Variants in TANC1 observed in about 807,000 individuals in gnomAD.
TANC1 encodes protein TANC1.
A neutral mutation model predicts 149.7 loss-of-function variants in TANC1; 77 were observed. That is an observed-to-expected ratio of 0.51 (90% CI 0.43 to 0.62). The LOEUF (loss-of-function observed/expected upper bound fraction) is 0.62. Ranked by LOEUF, TANC1 falls within the 20% of genes least tolerant of loss-of-function variation. The probability of loss-of-function intolerance (pLI) is 0.00; values close to 1 mark genes in which losing one functional copy is unlikely to be tolerated. For synonymous variants in TANC1, 854 were observed against 925.0 expected (o/e 0.92, Z 1.39); for missense variants, 1,985 against 2,321.8 (o/e 0.85, Z 2.98).
intron 2 of TANC1, among the ~76,000 whole-genome samples, chr2:159,059,916 G>T (rs1247160771): frequency 2.0e-4 from 25 of 124,818 alleles, no homozygotes; most frequent in East Asian, 7.8e-4. Context: ...GTGTGTGTGT[G>T]TGTGTGTGTG....
chr2:159,172,043 C>A, intron 10 of TANC1, 78 bp from the exon 11 acceptor site: 2 of 1,422,016 alleles, frequency 1.4e-6, no homozygotes, highest in Non-Finnish European at 1.9e-6. Flanking sequence ...TATGCCCTGG[C>A]ACAAATCAAG....
At chr2:159,218,685 A>AT (rs1459386864) in intron 20 of TANC1, among the ~76,000 whole-genome samples, 6 of 152,136 alleles carry the variant, frequency 3.9e-5, no homozygotes, top group Admixed American at 6.6e-5. Context: ...GTTGAAAGGC[A>AT]TATTTCTAGG....
intron 2 of TANC1, among the ~76,000 whole-genome samples, chr2:159,010,763 C>G (rs971174917): frequency 7.7e-5 from 10 of 130,246 alleles, no homozygotes; most frequent in African/African-American, 2.8e-4. Context: ...AAAATTTTTT[C>G]TCTGAATGAC....
chr2:159,136,230 G>A lies in TANC1; in HGVS notation c.296G>A (p.Arg99Lys). 1 of 1,613,512 alleles carries A rather than the reference G, an allele frequency of 6.2e-7. No individual in the cohort carries two copies. Among genetic ancestry groups the A allele is most frequent in the Middle Eastern group, 1.7e-4 (1 of 6,058 alleles). Reference protein sequence around the residue: ...VRKPKYVESPRVPGDAVIMPF... With the variant: ...VRKPKYVESPKVPGDAVIMPF... ...AAGCCCAAGTATGTGGAAAGCCCCA[G>A]AGTGCCTGGAGATGCAGTTATAATG... The change falls in exon 5 of 27, where the codon AGA (arginine) becomes AAA (lysine). Residue 99 changes from arginine (R) to lysine (K), a missense_variant. Arg to Lys is a conservative substitution (Grantham distance 26). Around this residue, in one of 3 missense-constraint regions of TANC1, gnomAD observed 557 missense variants for 612.9 expected, o/e 0.91. Transcript: ENST00000263635.
chr2:159,035,926 A>G (rs952932399), intron 2 of TANC1, among the ~76,000 whole-genome samples: 1 of 152,192 alleles, frequency 6.6e-6, no homozygotes, highest in Non-Finnish European at 1.5e-5. Flanking sequence ...GTTAGATTTA[A>G]TTTTAAGGGT....
Position 158,968,915 on chromosome 2 carries a change from G to A in TANC1, c.-126+133G>A, listed in dbSNP as rs923544867. ...GGAGAAGGGAAAGGCGTGTGGGAAA[G>A]TTTCTGGAGCGCCCCCTCCTCCGCC... On this transcript the variant is annotated intron_variant, in intron 1 of 26. Coordinates refer to ENST00000263635, the MANE Select transcript of TANC1 (RefSeq NM_033394.3). The A allele has an allele frequency of 3.9e-5, 6 of 153,080 alleles. No homozygotes were observed. The Admixed American group carries it at 3.9e-4, about 10-fold the overall frequency. The allele number at this position is 153,080 out of a possible 1,614,324, so 9.5% of individuals were successfully genotyped here.
chr2:159,086,652 T>C (rs781266094), intron 3 of TANC1, among the ~76,000 whole-genome samples: 2 of 152,142 alleles, frequency 1.3e-5, no homozygotes, highest in African/African-American at 2.4e-5. Context: ...GAGTTTCAAA[T>C]AAATGTTCAC....
chr2:159,008,961 G>A (rs138809329), intron 2 of TANC1, among the ~76,000 whole-genome samples: 3 of 152,208 alleles, frequency 2.0e-5, no homozygotes, highest in African/African-American at 7.2e-5. Flanking sequence ...TGGGATGATG[G>A]TTGGGGTAAG....
chr2:159,184,889 A>G (rs1575142574), intron 14 of TANC1, among the ~76,000 whole-genome samples: 1 of 152,162 alleles, frequency 6.6e-6, no homozygotes, highest in South Asian at 2.1e-4. Context: ...ATCTGCCTTG[A>G]TTTCCTCATC....
At chr2:159,115,171 G>GGT (rs68140748) in intron 4 of TANC1, among the ~76,000 whole-genome samples, 17,185 of 149,628 alleles carry the variant, frequency 0.11, 1,209 homozygotes, top group East Asian at 0.3. Flanking sequence ...AGCTGGTAAG[G>GGT]GTGTGTGTGT....
intron 4 of TANC1, among the ~76,000 whole-genome samples, chr2:159,131,905 G>A (rs1256545212): frequency 6.6e-6 from 1 of 152,194 alleles, no homozygotes; most frequent in Non-Finnish European, 1.5e-5. Context: ...CTAGTAAAAG[G>A]GAAGATCAGA....
At chr2:159,026,275 T>G (rs999940275) in intron 2 of TANC1, among the ~76,000 whole-genome samples, 6 of 152,190 alleles carry the variant, frequency 3.9e-5, no homozygotes, top group Non-Finnish European at 7.4e-5. Flanking sequence ...CATGTCCTCC[T>G]CAGCCTTTAA....
At position 159,156,028 on chromosome 2, in the gene TANC1, A is replaced by G. The variant is rs543765416; in HGVS notation, c.682+5472A>G. Reference sequence around the variant, plus strand: ...TCCTGGACTTTGTGCCCCAAGGGAGATAATCAGATGCAGAGGCACACAAAG... The same window carrying G: ...TCCTGGACTTTGTGCCCCAAGGGAGGTAATCAGATGCAGAGGCACACAAAG... On this transcript the variant is annotated intron_variant, in intron 7 of 26. Coordinates refer to ENST00000263635, the MANE Select transcript of TANC1 (RefSeq NM_033394.3). Among the ~76,000 whole-genome samples, 3 of 152,306 alleles carry G rather than the reference A, an allele frequency of 2.0e-5. No individual in the cohort carries two copies. The South Asian group carries it at 6.2e-4, about 32-fold the overall frequency.
rs567692409 is a variant in TANC1, at chr2:158,969,971, C to T, written c.-126+1189C>T. Among the ~76,000 whole-genome samples, 19 of 152,254 alleles carry T rather than the reference C, an allele frequency of 1.2e-4. 1 individual carries two copies. The highest frequency in any genetic ancestry group is 1.0e-3 in the South Asian group (5 of 4,820). On this transcript the variant is annotated intron_variant, in intron 1 of 26. Transcript: ENST00000263635. The stretch of plus-strand genomic sequence containing the variant: ...GACCCCAGAAGCAGCGTCGTCCGTA[C>T]AGGTTACAAGGTAAATGGAAGCTGA...
At chr2:159,067,457 G>A (rs264655) in intron 3 of TANC1, among the ~76,000 whole-genome samples, 105,994 of 152,042 alleles carry the variant, frequency 0.7, 37,139 homozygotes, top group Non-Finnish European at 0.73. Flanking sequence ...TTGAATAATT[G>A]ATTAGAATTG....
At chr2:159,162,510 A>G (rs1382291670) in intron 7 of TANC1, among the ~76,000 whole-genome samples, 1 of 152,194 alleles carries the variant, frequency 6.6e-6, no homozygotes, top group Non-Finnish European at 1.5e-5. Context: ...TGTAGAAGCT[A>G]TGTAGGGTGA....
chr2:158,993,182 G>A (rs1260969679), intron 1 of TANC1, among the ~76,000 whole-genome samples: 5 of 152,226 alleles, frequency 3.3e-5, no homozygotes, highest in African/African-American at 1.2e-4. Context: ...CAGCAGCTAT[G>A]TGGAAGTGGG....
intron 4 of TANC1, among the ~76,000 whole-genome samples, chr2:159,101,786 T>C (rs368028460): frequency 6.6e-6 from 1 of 152,292 alleles, no homozygotes; most frequent in East Asian, 1.9e-4. Context: ...TTTTCCCAGA[T>C]CACTCTGGGC....
At chr2:159,211,262 G>A (rs1262475948) in intron 19 of TANC1, among the ~76,000 whole-genome samples, 1 of 152,184 alleles carries the variant, frequency 6.6e-6, no homozygotes, top group Non-Finnish European at 1.5e-5. Flanking sequence ...TGCTTTCATG[G>A]GAATCTAATT....
Sources: gnomAD v4.1 joint callset for allele counts (sites outside exome capture counted in the v4.1 genomes callset) on GRCh38, gnomAD v4.1.1 for gene constraint, gnomAD v4.1.1 regional missense constraint, MANE v1.5 for transcripts, NCBI Gene and HGNC (gene_info 2026-07-23, HGNC 2026-07-21) for gene names.